Variants in RPA2 observed in about 807,000 individuals in gnomAD.
RPA2 encodes the protein replication protein A 32 kDa subunit.
A neutral mutation model predicts 33.4 loss-of-function variants in RPA2; 22 were observed. The observed-to-expected ratio is 0.66, with a 90% CI of 0.47 to 0.94. The LOEUF (loss-of-function observed/expected upper bound fraction) is 0.94. Among genes scored for constraint, RPA2 ranks in the 40% least tolerant of loss-of-function variants. The pLI is 0.00. For missense variants in RPA2, 279 were observed against 329.9 expected (o/e 0.85, Z 1.19); for synonymous variants, 109 against 114.9 (o/e 0.95, Z 0.33).
intron 4 of RPA2, among the ~76,000 whole-genome samples, chr1:27,905,429 G>C (rs930908437): frequency 6.6e-6 from 1 of 152,174 alleles, no homozygotes; most frequent in Middle Eastern, 3.4e-3. Flanking sequence ...GAGTAGCTGG[G>C]ATTATAGGTG....
chr1:27,913,100 C>CT (rs1253132405), intron 2 of RPA2, among the ~76,000 whole-genome samples: 1 of 151,874 alleles, frequency 6.6e-6, no homozygotes, highest in African/African-American at 2.4e-5. Context: ...TTACAGGTGC[C>CT]TGCCACCACG....
intron 8 of RPA2, among the ~76,000 whole-genome samples, chr1:27,893,530 T>C (rs1032782860): frequency 4.0e-5 from 6 of 151,842 alleles, no homozygotes; most frequent in African/African-American, 1.5e-4. Flanking sequence ...AGGCTGGTCT[T>C]GAACTCCTGA....
chr1:27,897,814 T>G (rs886494239), intron 4 of RPA2, 107 bp from the exon 5 acceptor site: 22 of 679,326 alleles, frequency 3.2e-5, no homozygotes, highest in Non-Finnish European at 4.2e-5. Flanking sequence ...AGTAGAAGAG[T>G]TAAAGGATCC....
chr1:27,913,921 T>A, intron 2 of RPA2, 142 bp downstream of exon 2: 4 of 814,194 alleles, frequency 4.9e-6, no homozygotes, highest in Non-Finnish European at 7.1e-6. Flanking sequence ...CAGCACTTAA[T>A]TATAAGAGAT....
intron 4 of RPA2, among the ~76,000 whole-genome samples, chr1:27,902,286 CT>C (rs11384286): frequency 1.2e-3 from 163 of 138,944 alleles, no homozygotes; most frequent in Non-Finnish European, 1.4e-3. Context: ...TTTACGTATA[CT>C]TTTTTTTTTT....
In RPA2 at chr1:27,914,451, A is replaced by C. The variant is rs773852311; in HGVS notation, c.-8T>G. On this transcript the variant is annotated 5_prime_UTR_variant, in exon 1 of 9. Transcript: ENST00000373912. ...ATCATTACTGTTCCACATCTTGGTC[A>C]CGATTCTCCGCAAAGAGGCCGAGAA... 2 of 1,593,964 alleles carry C rather than the reference A, an allele frequency of 1.3e-6. No homozygotes were observed. The highest frequency in any genetic ancestry group is 1.7e-6 in the Non-Finnish European group (2 of 1,169,044).
chr1:27,892,335 C>T lies in RPA2; in HGVS notation c.729-88G>A, dbSNP rs553150506. 47 of 959,790 alleles carry T rather than the reference C, an allele frequency of 4.9e-5. 1 individual carries two copies. The South Asian group carries it at 6.0e-4, about 12-fold the overall frequency. The allele number at this position is 959,790 out of a possible 1,614,324, so 59.5% of individuals were successfully genotyped here. A position where few individuals can be genotyped will look rare whatever the true frequency, so the allele number is the denominator to read the frequency against. On this transcript the variant is annotated intron_variant, in intron 8 of 8. Transcript: ENST00000373912. Reference sequence around the variant, plus strand: ...TGGATATGGCCAAATATGCAAACTTCGCTTATCTCCCAACTTTCTACCTTA... The same window carrying T: ...TGGATATGGCCAAATATGCAAACTTTGCTTATCTCCCAACTTTCTACCTTA...
chr1:27,905,689 G>A (rs182655080), intron 4 of RPA2, among the ~76,000 whole-genome samples: 6 of 149,936 alleles, frequency 4.0e-5, no homozygotes, highest in South Asian at 2.1e-4. Context: ...GTTTTGAGGC[G>A]CAATCTTGGC....
At chr1:27,898,691 G>A (rs765283784) in intron 4 of RPA2, among the ~76,000 whole-genome samples, 40 of 151,756 alleles carry the variant, frequency 2.6e-4, no homozygotes, top group Non-Finnish European at 2.4e-4. Flanking sequence ...GACTATAGGC[G>A]CCTGCCACCA....
At chr1:27,913,236 A>G (rs1215511923) in intron 2 of RPA2, among the ~76,000 whole-genome samples, 1 of 148,728 alleles carries the variant, frequency 6.7e-6, no homozygotes, top group Non-Finnish European at 1.5e-5. Context: ...TACGGGCGTG[A>G]GCCACCGCGG....
intron 4 of RPA2, among the ~76,000 whole-genome samples, chr1:27,898,853 G>A (rs1003186220): frequency 4.0e-5 from 6 of 151,818 alleles, no homozygotes; most frequent in African/African-American, 1.2e-4. Flanking sequence ...CATCGTGTCC[G>A]GCCCATTAGC....
At chr1:27,906,842 A>T (rs1010870979) in intron 4 of RPA2, 86 bp downstream of exon 4, 2 of 851,020 alleles carry the variant, frequency 2.4e-6, no homozygotes, top group Non-Finnish European at 3.7e-6. Context: ...TTATTTTTAT[A>T]AGAAAAAACT....
At chr1:27,914,597 G>C, upstream of RPA2, 1 of 1,613,712 alleles carries the variant, frequency 6.2e-7, no homozygotes, top group Non-Finnish European at 8.5e-7. Context: ...TCAGCTCCCG[G>C]GGTGCTCGCT....
chr1:27,907,155 A>T, intron 3 of RPA2, 26 bp downstream of exon 3: 5 of 1,598,940 alleles, frequency 3.1e-6, no homozygotes, highest in Non-Finnish European at 4.3e-6. Flanking sequence ...TGAGTAAGTG[A>T]TTCTTTCACA....
intron 2 of RPA2, among the ~76,000 whole-genome samples, chr1:27,907,713 GA>G (rs1416339186): frequency 6.6e-6 from 1 of 152,208 alleles, no homozygotes; most frequent in Non-Finnish European, 1.5e-5. Context: ...ATGGAGACAG[GA>G]CTTTGGAATT....
chr1:27,892,305 CCTTTTGG>C, intron 8 of RPA2, 58 bp from the exon 9 acceptor site: 1 of 1,419,462 alleles, frequency 7.0e-7, no homozygotes, highest in Non-Finnish European at 9.9e-7. Flanking sequence ...AAGGAAACTG[CCTTTTGG>C]ATATGGCCAA....
Position 27,897,622 on chromosome 1 carries a change from T to G in RPA2, c.408+11A>C, listed in dbSNP as rs368196385. 2.4e-5 allele frequency: 38 copies of G among 1,586,870 alleles called. No individual in the cohort carries two copies. Among genetic ancestry groups the G allele is most frequent in the Non-Finnish European group, 3.1e-5 (36 of 1,166,488 alleles). ...AAAAACACTTTAACTGTTATTTTAT[T>G]CTGACTTTACCTGAAAAGATCTCAG... On this transcript the variant is annotated intron_variant, in intron 5 of 8. Transcript: ENST00000373912.
chr1:27,898,077 G>A (rs908032143), intron 4 of RPA2, among the ~76,000 whole-genome samples: 1 of 152,050 alleles, frequency 6.6e-6, no homozygotes, highest in African/African-American at 2.4e-5. Context: ...TGCAACCTCC[G>A]CCTCCCAAGG....
At chr1:27,914,741 A>G, upstream of RPA2, 2 of 1,489,422 alleles carry the variant, frequency 1.3e-6, no homozygotes, top group Non-Finnish European at 1.9e-6. Context: ...AACCCTCCGC[A>G]CTAGCGGAAG....
Sources: allele counts gnomAD v4.1 joint callset (sites outside exome capture counted in the v4.1 genomes callset), GRCh38; gene constraint gnomAD v4.1.1; transcripts MANE v1.5; gene names NCBI Gene and HGNC (gene_info 2026-07-23, HGNC 2026-07-21).